Variants in HMBOX1 observed in about 807,000 individuals in gnomAD.
HMBOX1 encodes the protein homeobox-containing protein 1.
In HMBOX1, 14 loss-of-function variants were observed where a neutral mutation model predicts 54.5. The ratio of observed to expected loss-of-function variants is 0.26; its 90% confidence interval spans 0.17 to 0.40. HMBOX1 has a LOEUF of 0.40. Ranked by LOEUF, HMBOX1 falls within the 10% of genes least tolerant of loss-of-function variation. The pLI is 1.00. For synonymous variants in HMBOX1, 160 were observed against 181.0 expected, an observed-to-expected ratio of 0.88 and a Z score of 0.93; for missense variants, 332 against 514.4, an observed-to-expected ratio of 0.65 and a Z score of 3.43.
chr8:28,914,160 G>T (rs953979634), intron 1 of HMBOX1, among the ~76,000 whole-genome samples: 3 of 152,158 alleles, frequency 2.0e-5, no homozygotes, highest in Non-Finnish European at 4.4e-5. Context: ...GAGCTACCGT[G>T]CCTGGCCTGA....
chr8:28,961,686 A>G (rs532113015), intron 1 of HMBOX1, among the ~76,000 whole-genome samples: 3 of 152,140 alleles, frequency 2.0e-5, no homozygotes, highest in African/African-American at 7.2e-5. Flanking sequence ...CTTCTTTTGG[A>G]TAGATATCCA....
intron 1 of HMBOX1, among the ~76,000 whole-genome samples, chr8:28,926,363 G>A (rs921234435): frequency 6.6e-6 from 1 of 150,886 alleles, no homozygotes; most frequent in Admixed American, 6.6e-5. Context: ...TCATTTAGAA[G>A]TAGATAGACT....
At chr8:28,988,977 A>G (rs1160377192) in intron 4 of HMBOX1, among the ~76,000 whole-genome samples, 2 of 151,992 alleles carry the variant, frequency 1.3e-5, no homozygotes, top group African/African-American at 4.8e-5. Flanking sequence ...TTCTAAGAAA[A>G]TTTGCTTAAA....
chr8:29,051,860 G>T lies in HMBOX1; in HGVS notation c.*705G>T. On this transcript the variant is annotated 3_prime_UTR_variant, in exon 10 of 10. Coordinates refer to ENST00000287701, the MANE Select transcript of HMBOX1 (RefSeq NM_001135726.3). ...ATAAAATACTGCCTTCTGCCTTTGG[G>T]ACCATGATTAAAAACAAAGACAAAA... The T allele has an allele frequency of 3.2e-6, 1 of 316,276 alleles. No homozygotes were observed. Among genetic ancestry groups the T allele is most frequent in the Non-Finnish European group, 5.6e-6 (1 of 177,888 alleles). The allele number at this position is 316,276 out of a possible 1,614,324, so 19.6% of individuals were successfully genotyped here.
chr8:28,896,182 G>A (rs1812076327), intron 1 of HMBOX1, among the ~76,000 whole-genome samples: 2 of 152,178 alleles, frequency 1.3e-5, no homozygotes, highest in Non-Finnish European at 2.9e-5. Context: ...ATTATTGTGA[G>A]CCCTTGAAGT....
chr8:28,908,761 G>T (rs1417931106), intron 1 of HMBOX1, among the ~76,000 whole-genome samples: 1 of 151,840 alleles, frequency 6.6e-6, no homozygotes, highest in African/African-American at 2.4e-5. Context: ...GCGAGACTCT[G>T]TCTTAAAAAA....
intron 1 of HMBOX1, among the ~76,000 whole-genome samples, chr8:28,920,668 C>T (rs912338636): frequency 2.7e-4 from 41 of 152,044 alleles, no homozygotes; most frequent in Admixed American, 2.5e-3. Flanking sequence ...TGAATATAAA[C>T]GAGCCAAGAA....
At chr8:28,910,104 A>G (rs1452431056) in intron 1 of HMBOX1, among the ~76,000 whole-genome samples, 1 of 152,168 alleles carries the variant, frequency 6.6e-6, no homozygotes. Flanking sequence ...GTTTATACCA[A>G]CCAAAATACC....
intron 6 of HMBOX1, among the ~76,000 whole-genome samples, chr8:29,035,236 GAA>G (rs1434229586): frequency 6.6e-6 from 1 of 152,032 alleles, no homozygotes; most frequent in Non-Finnish European, 1.5e-5. Flanking sequence ...TTGATCATAA[GAA>G]AAACCATGCA....
chr8:28,929,458 A>G (rs893071996), intron 1 of HMBOX1, among the ~76,000 whole-genome samples: 4 of 152,300 alleles, frequency 2.6e-5, no homozygotes, highest in African/African-American at 9.6e-5. Context: ...GGCTATTGAT[A>G]GAGACAGATG....
intron 1 of HMBOX1, among the ~76,000 whole-genome samples, chr8:28,928,815 C>T (rs1818989816): frequency 6.6e-6 from 1 of 152,168 alleles, no homozygotes; most frequent in African/African-American, 2.4e-5. Flanking sequence ...TCCACATGAT[C>T]TCACTTGTAT....
intron 1 of HMBOX1, among the ~76,000 whole-genome samples, chr8:28,938,506 A>G (rs560427866): frequency 9.2e-5 from 14 of 152,248 alleles, no homozygotes; most frequent in Non-Finnish European, 1.6e-4. Flanking sequence ...TGGCACGATC[A>G]TAGAATCATA....
intron 1 of HMBOX1, among the ~76,000 whole-genome samples, chr8:28,894,942 CAAAA>C (rs575886185): frequency 9.4e-5 from 11 of 116,672 alleles, no homozygotes; most frequent in African/African-American, 3.3e-4. Context: ...TTAACATTTG[CAAAA>C]AAAAAAAACA....
At chr8:28,948,155 A>G (rs958195515) in intron 1 of HMBOX1, among the ~76,000 whole-genome samples, 8 of 152,182 alleles carry the variant, frequency 5.3e-5, no homozygotes, top group African/African-American at 1.4e-4. Context: ...TGAGCATTCT[A>G]TTTAAATTCA....
Position 29,023,671 on chromosome 8 carries a change from G to GGATTAT in HMBOX1, c.851+4759_851+4764dup, listed in dbSNP as rs1323288866. 8.5e-5 allele frequency among the ~76,000 whole-genome samples: 13 copies of GGATTAT among 152,156 alleles called. No homozygotes were observed. The East Asian group carries it at 2.3e-3, about 27-fold the overall frequency. On this transcript the variant is annotated intron_variant, in intron 6 of 9. Coordinates refer to ENST00000287701, the MANE Select transcript of HMBOX1 (RefSeq NM_001135726.3). ...CCTGCCTCAGTCTCCTACAGTCCTGGGATTATAGGTGTGATCCACCGCTAC... is the reference window on the plus strand; with the variant it reads ...CCTGCCTCAGTCTCCTACAGTCCTGGGATTATGATTATAGGTGTGATCCACCGCTAC...
chr8:28,896,040 CA>C (rs1812039880), intron 1 of HMBOX1, among the ~76,000 whole-genome samples: 1 of 152,210 alleles, frequency 6.6e-6, no homozygotes, highest in Admixed American at 6.5e-5. Flanking sequence ...AATTGAGAGT[CA>C]TACCACCTGT....
At chr8:28,969,998 A>T in intron 2 of HMBOX1, 45 bp from the exon 3 acceptor site, 1 of 1,158,820 alleles carries the variant, frequency 8.6e-7, no homozygotes, top group Non-Finnish European at 1.3e-6. Flanking sequence ...GTGCTTTGGT[A>T]GATACTGTCA....
At chr8:28,927,245 C>T (rs1051556046) in intron 1 of HMBOX1, among the ~76,000 whole-genome samples, 4 of 151,668 alleles carry the variant, frequency 2.6e-5, no homozygotes, top group South Asian at 2.1e-4. Context: ...CTCTTGTAAC[C>T]GATAAATGTA....
chr8:28,910,247 A>G (rs1017354278), intron 1 of HMBOX1, among the ~76,000 whole-genome samples: 7 of 152,178 alleles, frequency 4.6e-5, no homozygotes, highest in African/African-American at 1.2e-4. Flanking sequence ...GCATGTATCA[A>G]TATTCTGTTT....
Sources: gnomAD v4.1 joint callset for allele counts (sites outside exome capture counted in the v4.1 genomes callset) on GRCh38, gnomAD v4.1.1 for gene constraint, MANE v1.5 for transcripts, NCBI Gene and HGNC (gene_info 2026-07-23, HGNC 2026-07-21) for gene names.